The following KIF4A variants were observed in gnomAD, a reference collection of about 807,000 sequenced individuals.
KIF4A encodes chromosome-associated kinesin KIF4A.
In KIF4A, 7 loss-of-function variants were observed where a neutral mutation model predicts 105.9. The observed-to-expected ratio is 0.07, with a 90% CI of 0.04 to 0.12. The LOEUF (loss-of-function observed/expected upper bound fraction) is 0.12. Among genes scored for constraint, KIF4A ranks in the 10% least tolerant of loss-of-function variants. The pLI, the probability that KIF4A is intolerant of heterozygous loss-of-function variation, is 1.00. For missense variants in KIF4A, 558 were observed against 929.2 expected (o/e 0.60, Z 5.19); for synonymous variants, 281 against 331.3 (o/e 0.85, Z 1.65).
chrX:70,310,449 A>G (rs1387105481), intron 7 of KIF4A, among the ~76,000 whole-genome samples: 2 of 110,650 alleles, frequency 1.8e-5, no homozygotes, highest in Non-Finnish European at 3.8e-5. Flanking sequence ...ATTCAATTCT[A>G]TGATTATACC....
intron 15 of KIF4A, among the ~76,000 whole-genome samples, chrX:70,369,928 CATGGAT>C (rs1207882236): frequency 9.0e-6 from 1 of 110,599 alleles, no homozygotes; most frequent in Non-Finnish European, 1.9e-5. Context: ...AGTGACAGAC[CATGGAT>C]ACAATGATAG....
At chrX:70,377,128 A>T (rs1246649632) in intron 18 of KIF4A, among the ~76,000 whole-genome samples, 3 of 111,373 alleles carry the variant, frequency 2.7e-5, no homozygotes, top group African/African-American at 9.8e-5. Flanking sequence ...GCTGGAGTAC[A>T]GTGGTGCAAT....
At chrX:70,341,325 T>A (rs968644429) in intron 10 of KIF4A, among the ~76,000 whole-genome samples, 1 of 111,903 alleles carries the variant, frequency 8.9e-6, no homozygotes, top group Non-Finnish European at 1.9e-5. Flanking sequence ...TATATTTATG[T>A]TGATTAGGTT....
chrX:70,402,519 G>C lies in KIF4A; in HGVS notation c.2490-47G>C, dbSNP rs147854702. 3.6e-4 allele frequency: 427 copies of C among 1,185,503 alleles called. 3 individuals are homozygous for C. The African/African-American group carries it at 6.4e-3, about 18-fold the overall frequency. ...CTCCTCAGAGCTCTTCCCCCTTCTT[G>C]ATGTTCAGGCTACTTGCAATAAGGC... On this transcript the variant is annotated intron_variant, in intron 22 of 30. Coordinates refer to ENST00000374403, the MANE Select transcript of KIF4A (RefSeq NM_012310.5).
chrX:70,299,234 A>C, intron 5 of KIF4A, 32 bp downstream of exon 5: 1 of 1,130,424 alleles, frequency 8.8e-7, no homozygotes. Context: ...TGTTATTAAA[A>C]AAATTTGGCA....
chrX:70,357,097 G>A (rs1296590540), intron 15 of KIF4A, among the ~76,000 whole-genome samples: 1 of 111,147 alleles, frequency 9.0e-6, no homozygotes, highest in Non-Finnish European at 1.9e-5. Context: ...GGCGGATCAC[G>A]AGGTCAGGAG....
At position 70,420,042 on chromosome X, in the gene KIF4A, C is replaced by T; in HGVS notation, c.3496-20C>T. The T allele has an allele frequency of 5.0e-6, 6 of 1,202,572 alleles. No individual in the cohort carries two copies. The highest frequency in any genetic ancestry group is 6.7e-6 in the Non-Finnish European group (6 of 889,237). On this transcript the variant is annotated intron_variant, in intron 30 of 30. Transcript: ENST00000374403. Reference sequence around the variant, plus strand: ...TGCCCCTTTCTAAAGTCTATTCATACCTGTCTCTGTCCCTCCTAGATCCTG... The same window carrying T: ...TGCCCCTTTCTAAAGTCTATTCATATCTGTCTCTGTCCCTCCTAGATCCTG...
At position 70,322,093 on chromosome X, in the gene KIF4A, C is replaced by A. The variant is rs372550824; in HGVS notation, c.779-7312C>A. Among the ~76,000 whole-genome samples, 4 of 110,008 alleles carry A rather than the reference C, an allele frequency of 3.6e-5. No individual in the cohort carries two copies. The South Asian group carries it at 1.2e-3, about 33-fold the overall frequency. The stretch of plus-strand genomic sequence containing the variant: ...GCCCATCACCCTGTCACCCTCCCCC[C>A]CCAAAGTGGTTTCACCCACTTAGAT... On this transcript the variant is annotated intron_variant, in intron 7 of 30. Transcript: ENST00000374403.
intron 19 of KIF4A, 25 bp downstream of exon 19, chrX:70,386,726 C>T (rs762573348): frequency 9.5e-7 from 1 of 1,055,367 alleles, no homozygotes; most frequent in South Asian, 1.9e-5. Flanking sequence ...TCTGCTAGGT[C>T]AAGTGTATTG....
At chrX:70,363,183 T>C (rs956316173) in intron 15 of KIF4A, among the ~76,000 whole-genome samples, 21 of 111,637 alleles carry the variant, frequency 1.9e-4, no homozygotes, top group Non-Finnish European at 3.4e-4. Context: ...TTCCCCCTTG[T>C]GGAGTTGGTA....
In KIF4A at chrX:70,302,305, A is replaced by C; in HGVS notation, c.685A>C (p.Asn229His). The C allele has an allele frequency of 8.3e-7, 1 of 1,210,922 alleles. No homozygotes were observed. The highest frequency in any genetic ancestry group is 1.1e-6 in the Non-Finnish European group (1 of 894,906). The change falls in exon 7 of 31, where the codon AAT (asparagine) becomes CAT (histidine). Residue 229 changes from asparagine (N) to histidine (H), a missense_variant and splice_region_variant. Around this residue, in one of 2 missense-constraint regions of KIF4A, gnomAD observed 89 missense variants for 248.8 expected, o/e 0.36. Transcript: ENST00000374403. ...SLEQRKKSDK[N>H]SSFRSKLHLV... ...TGTGTCTTCCTTTCATTATCACAGG[A>C]ATAGCAGCTTTCGCTCCAAGCTGCA...
At chrX:70,417,231 G>A (rs182744307) in intron 28 of KIF4A, among the ~76,000 whole-genome samples, 52 of 112,640 alleles carry the variant, frequency 4.6e-4, no homozygotes, top group African/African-American at 1.6e-3. Flanking sequence ...AGCCAGGCGC[G>A]GTGGCTCACG....
At chrX:70,336,641 G>A (rs1205928862) in intron 10 of KIF4A, among the ~76,000 whole-genome samples, 1 of 111,282 alleles carries the variant, frequency 9.0e-6, no homozygotes, top group Non-Finnish European at 1.9e-5. Context: ...ATGTTTAAGG[G>A]CCACTTTTAT....
intron 3 of KIF4A, among the ~76,000 whole-genome samples, chrX:70,296,623 A>T: frequency 8.9e-6 from 1 of 112,232 alleles, no homozygotes; most frequent in East Asian, 2.8e-4. Context: ...TCTTTAATTT[A>T]ATTTCTGTAA....
intron 11 of KIF4A, 134 bp downstream of exon 11, chrX:70,342,065 G>C: frequency 1.1e-6 from 1 of 880,355 alleles, no homozygotes; most frequent in Non-Finnish European, 1.6e-6. Flanking sequence ...TATCCTCCAG[G>C]GAGCCCCTCT....
intron 7 of KIF4A, among the ~76,000 whole-genome samples, chrX:70,321,805 T>A (rs1369226500): frequency 9.0e-6 from 1 of 111,386 alleles, no homozygotes; most frequent in African/African-American, 3.3e-5. Flanking sequence ...ACTATCCCTT[T>A]TGAAGTCAAC....
chrX:70,382,257 C>T (rs1031105524), intron 18 of KIF4A, among the ~76,000 whole-genome samples: 9 of 111,280 alleles, frequency 8.1e-5, no homozygotes, highest in East Asian at 2.8e-4. Context: ...GGTGAAACCC[C>T]GTCTCTACTA....
chrX:70,398,629 T>G (rs1378759981), intron 22 of KIF4A, among the ~76,000 whole-genome samples: 1 of 112,097 alleles, frequency 8.9e-6, no homozygotes, highest in African/African-American at 3.2e-5. Flanking sequence ...CTAATCTTCC[T>G]TGTTCTCTAA....
intron 4 of KIF4A, among the ~76,000 whole-genome samples, chrX:70,297,802 A>G (rs1028472759): frequency 3.6e-5 from 4 of 112,009 alleles, no homozygotes; most frequent in African/African-American, 1.3e-4. Flanking sequence ...TAGGGAACTG[A>G]TGGCTTCTGG....
Sources: gnomAD v4.1 joint callset for allele counts (sites outside exome capture counted in the v4.1 genomes callset) on GRCh38, gnomAD v4.1.1 for gene constraint, gnomAD v4.1.1 regional missense constraint, MANE v1.5 for transcripts, NCBI Gene and HGNC (gene_info 2026-07-23, HGNC 2026-07-21) for gene names.